MAF: variants seen among roughly 807,000 people sequenced by gnomAD.
The protein encoded by MAF is transcription factor Maf.
Under a neutral mutation model 22.0 loss-of-function variants are expected in MAF, and 10 were observed. That is an observed-to-expected ratio of 0.45 (90% CI 0.28 to 0.77). The LOEUF (loss-of-function observed/expected upper bound fraction) is 0.77, where lower values mean the gene tolerates loss of function less well. Among genes scored for constraint, MAF ranks in the 30% least tolerant of loss-of-function variants. The pLI is 0.12. For missense variants in MAF, 544 were observed against 548.4 expected, an observed-to-expected ratio of 0.99 and a Z score of 0.08; for synonymous variants, 337 against 255.8, an observed-to-expected ratio of 1.32 and a Z score of -3.03.
At chr16:79,337,763 G>A in the MAF span, among the ~76,000 whole-genome samples, 3 of 152,140 alleles carry the variant, frequency 2.0e-5, no homozygotes, top group Non-Finnish European at 2.9e-5. Flanking sequence ...CATAGTGGCA[G>A]GATCACAGAA....
At chr16:79,372,066 ATTTTTT>A in the MAF span, among the ~76,000 whole-genome samples, 68 of 132,430 alleles carry the variant, frequency 5.1e-4, no homozygotes, top group African/African-American at 1.8e-3. Flanking sequence ...AGGGAGAGGA[ATTTTTT>A]TTTTTTTTTT....
the MAF span, among the ~76,000 whole-genome samples, chr16:79,481,746 A>C: frequency 6.6e-6 from 1 of 152,090 alleles, no homozygotes; most frequent in Non-Finnish European, 1.5e-5. Context: ...GCAGGTACTC[A>C]CTTATTCATT....
At chr16:79,584,664 G>A (rs1316332477), downstream of MAF, among the ~76,000 whole-genome samples, 1 of 152,190 alleles carries the variant, frequency 6.6e-6, no homozygotes, top group Admixed American at 6.5e-5. Flanking sequence ...GATAAAGGCT[G>A]AGACAATAAA....
the MAF span, chr16:79,264,696 TA>T: frequency 1.3e-5 from 2 of 152,318 alleles, no homozygotes; most frequent in East Asian, 3.9e-4. Context: ...AAGACCTCCC[TA>T]AATGCTCCAA....
At chr16:79,263,204 A>G in the MAF span, among the ~76,000 whole-genome samples, 1 of 152,292 alleles carries the variant, frequency 6.6e-6, no homozygotes, top group Non-Finnish European at 1.5e-5. Context: ...CGGGAAATGG[A>G]TAACTAAACG....
chr16:79,252,132 C>A, the MAF span, among the ~76,000 whole-genome samples: 8 of 152,230 alleles, frequency 5.3e-5, no homozygotes, highest in Non-Finnish European at 1.0e-4. Flanking sequence ...TCAGGCAGGA[C>A]TGGCAAACTT....
the MAF span, among the ~76,000 whole-genome samples, chr16:79,341,664 C>T: frequency 6.6e-6 from 1 of 152,146 alleles, no homozygotes; most frequent in Admixed American, 6.5e-5. Flanking sequence ...AGTAGAGCAG[C>T]GTCATGACTT....
At chr16:79,372,086 T>G in the MAF span, among the ~76,000 whole-genome samples, 88 of 151,590 alleles carry the variant, frequency 5.8e-4, no homozygotes, top group African/African-American at 2.1e-3. Flanking sequence ...TTTTTTTTTT[T>G]TTACCCCAAG....
chr16:79,538,841 AG>A, the MAF span, among the ~76,000 whole-genome samples: 1 of 103,564 alleles, frequency 9.7e-6, no homozygotes, highest in African/African-American at 4.1e-5. Flanking sequence ...AAAGAAGGAA[AG>A]AAAGAAAGAA....
At chr16:79,369,931 T>C in the MAF span, among the ~76,000 whole-genome samples, 1 of 152,208 alleles carries the variant, frequency 6.6e-6, no homozygotes, top group South Asian at 2.1e-4. Flanking sequence ...CAAGGATGGC[T>C]TCCCCCACAG....
the MAF span, among the ~76,000 whole-genome samples, chr16:79,476,944 A>G: frequency 6.6e-6 from 1 of 152,010 alleles, no homozygotes; most frequent in Non-Finnish European, 1.5e-5. Flanking sequence ...ATCCACGGCC[A>G]TCTTATAGGT....
the MAF span, among the ~76,000 whole-genome samples, chr16:79,534,685 ATG>A: frequency 2.0e-5 from 3 of 152,276 alleles, no homozygotes; most frequent in Non-Finnish European, 4.4e-5. Flanking sequence ...ATGTATACAT[ATG>A]TAACAAATCT....
At chr16:79,354,396 T>C in the MAF span, among the ~76,000 whole-genome samples, 2 of 152,084 alleles carry the variant, frequency 1.3e-5, no homozygotes, top group Non-Finnish European at 2.9e-5. Flanking sequence ...GGAATGTGTC[T>C]GCAATTCACC....
the MAF span, among the ~76,000 whole-genome samples, chr16:79,466,840 C>T: frequency 2.0e-5 from 3 of 152,178 alleles, no homozygotes; most frequent in Non-Finnish European, 4.4e-5. Context: ...TTTCCCCTGC[C>T]CGCGACACCA....
chr16:79,562,629 A>G, the MAF span, among the ~76,000 whole-genome samples: 2 of 152,118 alleles, frequency 1.3e-5, no homozygotes, highest in Admixed American at 6.5e-5. Flanking sequence ...ATTTCTCAAC[A>G]TCTGTAGACC....
the MAF span, among the ~76,000 whole-genome samples, chr16:79,299,939 C>G: frequency 6.6e-6 from 1 of 152,202 alleles, no homozygotes; most frequent in Non-Finnish European, 1.5e-5. Flanking sequence ...CTTTCTGACC[C>G]ATTGTCCACT....
At position 79,594,122 on chromosome 16, in the gene MAF, G is replaced by T. The variant is rs1913354437; in HGVS notation, c.*338C>A. 3.2e-6 allele frequency: 1 copy of T among 311,976 alleles called. No individual in the cohort carries two copies. The highest frequency in any genetic ancestry group is 6.1e-6 in the Non-Finnish European group (1 of 165,020). 19.3% of individuals were successfully genotyped at this position (311,976 alleles called of 1,614,324 possible). A position where few individuals can be genotyped will look rare whatever the true frequency, so the allele number is the denominator to read the frequency against. On this transcript the variant is annotated 3_prime_UTR_variant, in exon 2 of 2. Transcript: ENST00000326043. The stretch of plus-strand genomic sequence containing the variant: ...TATATATGATTTTAAAATGCTAATT[G>T]TTGCATTCCGGGAAACTTTCCATTA...
At chr16:79,223,577 GGTTT>G in the MAF span, among the ~76,000 whole-genome samples, 1 of 152,060 alleles carries the variant, frequency 6.6e-6, no homozygotes, top group Non-Finnish European at 1.5e-5. Context: ...TCCAGAAACT[GGTTT>G]TTTTGCAAAG....
At chr16:79,496,765 T>G in the MAF span, among the ~76,000 whole-genome samples, 1 of 152,104 alleles carries the variant, frequency 6.6e-6, no homozygotes, top group African/African-American at 2.4e-5. Flanking sequence ...GTGGAAAGAG[T>G]AGCTGAGCTT....
Sources: gnomAD v4.1 joint callset for allele counts (sites outside exome capture counted in the v4.1 genomes callset) on GRCh38, gnomAD v4.1.1 for gene constraint, MANE v1.5 for transcripts, NCBI Gene and HGNC (gene_info 2026-07-23, HGNC 2026-07-21) for gene names.